GALNT14: variants seen among roughly 807,000 people sequenced by gnomAD.
GALNT14 encodes the protein UDP-GalNAc:polypeptide N-acetylgalactosaminyltransferase 14.
GALNT14 carries 60 observed loss-of-function variants against 77.5 expected under a neutral mutation model. The ratio of observed to expected loss-of-function variants is 0.77; its 90% confidence interval spans 0.63 to 0.96. The LOEUF is 0.96. Among genes scored for constraint, GALNT14 ranks in the 40% least tolerant of loss-of-function variants. The probability of loss-of-function intolerance (pLI) is 0.00; values close to 1 mark genes in which losing one functional copy is unlikely to be tolerated. For synonymous variants in GALNT14, 280 were observed against 281.7 expected, an observed-to-expected ratio of 0.99 and a Z score of 0.06; for missense variants, 710 against 731.0, an observed-to-expected ratio of 0.97 and a Z score of 0.33.
intron 1 of GALNT14, among the ~76,000 whole-genome samples, chr2:31,130,784 G>GTGTGCA (rs57066682): frequency 5.9e-4 from 74 of 125,038 alleles, no homozygotes; most frequent in African/African-American, 2.9e-3. Flanking sequence ...GTGTGTGTGT[G>GTGTGCA]CGCGCGCACC....
the GALNT14 span, among the ~76,000 whole-genome samples, chr2:30,899,280 C>T: frequency 3.3e-5 from 5 of 152,192 alleles, no homozygotes; most frequent in African/African-American, 1.2e-4. Flanking sequence ...GACCCACCAC[C>T]CCCTCACCAA....
At chr2:30,980,403 C>T (rs1227241463) in intron 2 of GALNT14, among the ~76,000 whole-genome samples, 2 of 152,242 alleles carry the variant, frequency 1.3e-5, no homozygotes, top group African/African-American at 4.8e-5. Flanking sequence ...CAGCTGCCCT[C>T]CTGATGCCAG....
At chr2:31,018,096 T>C (rs1321310336) in intron 1 of GALNT14, among the ~76,000 whole-genome samples, 1 of 152,116 alleles carries the variant, frequency 6.6e-6, no homozygotes, top group Middle Eastern at 3.2e-3. Flanking sequence ...AGGGGCCTGA[T>C]GATGTGTAAG....
At position 30,981,014 on chromosome 2, in the gene GALNT14, G is replaced by A. The variant is rs77286736; in HGVS notation, c.299+11824C>T. On this transcript the variant is annotated intron_variant, in intron 2 of 14. Transcript: ENST00000349752. ...CTTGAACCTGGGGGCACCGTGGTTC[G>A]AGATTAGGCCACTTCACTCCAGCCT... Among the ~76,000 whole-genome samples, 547 of 152,260 alleles carry A rather than the reference G, an allele frequency of 3.6e-3. 5 individuals are homozygous for A. The highest frequency in any genetic ancestry group is 0.013 in the African/African-American group (523 of 41,548).
At chr2:31,107,908 CA>C in intron 1 of GALNT14, among the ~76,000 whole-genome samples, 1 of 151,964 alleles carries the variant, frequency 6.6e-6, no homozygotes, top group East Asian at 1.9e-4. Flanking sequence ...GACCATCAGC[CA>C]AAAAAACAGC....
At chr2:30,965,434 A>G (rs1667943216) in intron 3 of GALNT14, among the ~76,000 whole-genome samples, 1 of 127,718 alleles carries the variant, frequency 7.8e-6, no homozygotes, top group East Asian at 2.7e-4. Flanking sequence ...AAGAGGACAG[A>G]TGACTTCTGG....
At chr2:31,040,960 G>A (rs1225340970) in intron 1 of GALNT14, among the ~76,000 whole-genome samples, 1 of 152,196 alleles carries the variant, frequency 6.6e-6, no homozygotes, top group Non-Finnish European at 1.5e-5. Flanking sequence ...TCAGGGTCCT[G>A]TAAACTTGAA....
At chr2:30,995,731 T>C (rs1254762557) in intron 1 of GALNT14, among the ~76,000 whole-genome samples, 3 of 152,120 alleles carry the variant, frequency 2.0e-5, no homozygotes, top group African/African-American at 7.2e-5. Context: ...CACTCCTAGC[T>C]TCAGGCAATC....
chr2:31,077,206 C>T (rs1003333479), intron 1 of GALNT14, among the ~76,000 whole-genome samples: 15 of 152,156 alleles, frequency 9.9e-5, no homozygotes, highest in African/African-American at 2.7e-4. Flanking sequence ...TTAGGATAAA[C>T]GACAAGCCCA....
At chr2:30,991,250 C>G (rs1356476701) in intron 2 of GALNT14, 2 of 152,040 alleles carry the variant, frequency 1.3e-5, no homozygotes, top group Non-Finnish European at 2.9e-5. Context: ...CTCCCTTTGT[C>G]CCTCAAGAAA....
In GALNT14 at chr2:31,022,656, T is replaced by A. The variant is rs540759955; in HGVS notation, c.130-29649A>T. Among the ~76,000 whole-genome samples the A allele has an allele frequency of 2.6e-3, 401 of 152,258 alleles. 2 individuals are homozygous for A. The highest frequency in any genetic ancestry group is 4.8e-3 in the Non-Finnish European group (329 of 68,010). On this transcript the variant is annotated intron_variant, in intron 1 of 14. Transcript: ENST00000349752. Reference sequence around the variant, plus strand: ...AATTCCTGCTCAAGAAGCATAGAGCTTCCTAAGGAACTGGGGAGGGCAAAC... The same window carrying A: ...AATTCCTGCTCAAGAAGCATAGAGCATCCTAAGGAACTGGGGAGGGCAAAC...
At chr2:31,084,111 C>A (rs1676293794) in intron 1 of GALNT14, among the ~76,000 whole-genome samples, 1 of 152,198 alleles carries the variant, frequency 6.6e-6, no homozygotes, top group African/African-American at 2.4e-5. Flanking sequence ...GCTCAGCTAA[C>A]ACATACTGAA....
intron 1 of GALNT14, among the ~76,000 whole-genome samples, chr2:31,026,862 C>A (rs1672087332): frequency 6.6e-6 from 1 of 152,224 alleles, no homozygotes; most frequent in Non-Finnish European, 1.5e-5. Flanking sequence ...CTTCCCAGGG[C>A]TGCCCACTTT....
intron 1 of GALNT14, among the ~76,000 whole-genome samples, chr2:31,011,542 C>A (rs909654151): frequency 1.3e-5 from 2 of 152,062 alleles, no homozygotes; most frequent in African/African-American, 2.4e-5. Context: ...TTTTCTTCCC[C>A]AGAAATAGAT....
intron 1 of GALNT14, among the ~76,000 whole-genome samples, chr2:31,118,389 G>A (rs1277976926): frequency 6.6e-6 from 1 of 151,964 alleles, no homozygotes; most frequent in East Asian, 1.9e-4. Context: ...ACAAATACAA[G>A]CCAGTAGCAT....
chr2:31,011,733 A>G (rs1671042995), intron 1 of GALNT14, among the ~76,000 whole-genome samples: 1 of 152,178 alleles, frequency 6.6e-6, no homozygotes, highest in South Asian at 2.1e-4. Context: ...AGGGGGCCAA[A>G]GCTGGCTCCT....
chr2:30,936,002 G>A (rs958356558), intron 9 of GALNT14, among the ~76,000 whole-genome samples: 4 of 152,090 alleles, frequency 2.6e-5, no homozygotes, highest in Non-Finnish European at 5.9e-5. Flanking sequence ...TTCTTGCTGA[G>A]TCAGCGCCCA....
chr2:31,010,837 T>C (rs947877396), intron 1 of GALNT14, among the ~76,000 whole-genome samples: 2 of 152,214 alleles, frequency 1.3e-5, no homozygotes, highest in Non-Finnish European at 2.9e-5. Context: ...TCCCATCTCA[T>C]AGGGCTTTCT....
chr2:30,981,287 T>C (rs1668973344), intron 2 of GALNT14, among the ~76,000 whole-genome samples: 1 of 152,232 alleles, frequency 6.6e-6, no homozygotes, highest in Admixed American at 6.5e-5. Context: ...ATCCAGGTTT[T>C]AAAGGGAAGA....
Sources: gnomAD v4.1 joint callset for allele counts (sites outside exome capture counted in the v4.1 genomes callset) on GRCh38, gnomAD v4.1.1 for gene constraint, MANE v1.5 for transcripts, NCBI Gene and HGNC (gene_info 2026-07-23, HGNC 2026-07-21) for gene names.